The following SLC25A21 variants were observed in gnomAD, a reference collection of about 807,000 sequenced individuals.
SLC25A21 encodes mitochondrial 2-oxodicarboxylate carrier.
In SLC25A21, 47 loss-of-function variants were observed where a neutral mutation model predicts 43.8. The observed-to-expected ratio is 1.07, with a 90% CI of 0.85 to 1.37. The LOEUF is 1.37. SLC25A21 is among the 40% of genes most tolerant of loss of function. SLC25A21 has a pLI of 0.00. For missense variants in SLC25A21, 352 were observed against 350.2 expected (o/e 1.00, Z -0.04); for synonymous variants, 131 against 121.3 (o/e 1.08, Z -0.52).
At chr14:36,869,585 T>C (rs1323875916) in intron 2 of SLC25A21, among the ~76,000 whole-genome samples, 1 of 152,168 alleles carries the variant, frequency 6.6e-6, no homozygotes, top group East Asian at 1.9e-4. Flanking sequence ...AGAGCACTGC[T>C]TGAAAGTCCA....
In SLC25A21 at chr14:36,792,095, C is replaced by G. The variant is rs555127805; in HGVS notation, c.203+21823G>C. Among the ~76,000 whole-genome samples, 82 of 152,172 alleles carry G rather than the reference C, an allele frequency of 5.4e-4. 1 individual carries two copies. In the South Asian group the frequency reaches 0.016, roughly 29 times the overall value. On this transcript the variant is annotated intron_variant, in intron 3 of 9. Transcript: ENST00000331299. ...ATTTTTTAGTGTAACTAGATAAATG[C>G]TCTCTTTTTTATAAATACTCTGAGG...
chr14:36,726,029 G>C (rs565801406), intron 5 of SLC25A21, among the ~76,000 whole-genome samples: 1 of 152,294 alleles, frequency 6.6e-6, no homozygotes, highest in South Asian at 2.1e-4. Flanking sequence ...ATTGTAAAAA[G>C]AGAGCTTCAT....
intron 1 of SLC25A21, among the ~76,000 whole-genome samples, chr14:37,059,216 C>T (rs35500267): frequency 0.071 from 10,834 of 152,234 alleles, 524 homozygotes; most frequent in Non-Finnish European, 0.1. Context: ...ACTGTATACA[C>T]ATCAACTTTT....
At chr14:37,009,050 T>A (rs572717239) in intron 1 of SLC25A21, among the ~76,000 whole-genome samples, 2 of 152,200 alleles carry the variant, frequency 1.3e-5, no homozygotes, top group Admixed American at 1.3e-4. Flanking sequence ...AGAGCAAACA[T>A]AAAGCCCTCT....
intron 1 of SLC25A21, among the ~76,000 whole-genome samples, chr14:37,078,428 CCACCA>C (rs1962324921): frequency 1.3e-5 from 2 of 151,970 alleles, no homozygotes; most frequent in South Asian, 2.1e-4. Context: ...AGGAATAGGT[CCACCA>C]CATGGTGGAC....
chr14:37,103,241 T>C (rs542672256), intron 1 of SLC25A21, among the ~76,000 whole-genome samples: 1 of 152,290 alleles, frequency 6.6e-6, no homozygotes, highest in Non-Finnish European at 1.5e-5. Context: ...TTTGCATATC[T>C]CTTCCTTTAC....
At chr14:36,850,826 G>A (rs1202090033) in intron 2 of SLC25A21, among the ~76,000 whole-genome samples, 1 of 152,094 alleles carries the variant, frequency 6.6e-6, no homozygotes, top group Non-Finnish European at 1.5e-5. Flanking sequence ...TTTTGGTCTT[G>A]ATTATGCTCC....
chr14:36,917,129 T>C (rs149875836), intron 1 of SLC25A21, among the ~76,000 whole-genome samples: 126 of 152,238 alleles, frequency 8.3e-4, no homozygotes, highest in Non-Finnish European at 1.1e-3. Flanking sequence ...CTGCTTCCAG[T>C]TTCTTTTTAT....
chr14:36,764,015 C>G (rs1886263111), intron 3 of SLC25A21, among the ~76,000 whole-genome samples: 2 of 111,940 alleles, frequency 1.8e-5, no homozygotes, highest in South Asian at 6.7e-4. Flanking sequence ...GGTGACAGAG[C>G]AAGACTCTGT....
intron 1 of SLC25A21, among the ~76,000 whole-genome samples, chr14:36,983,625 C>T (rs978151186): frequency 1.3e-5 from 2 of 152,178 alleles, no homozygotes; most frequent in Admixed American, 6.5e-5. Context: ...ATCCAGCAAT[C>T]CCATGACTGG....
rs199586187 is a variant in SLC25A21 at position 36,678,703 on chromosome 14, TTATC to T, written c.*1951_*1954del. 803 of 1,230,786 alleles carry T rather than the reference TTATC, an allele frequency of 6.5e-4. 10 individuals carry two copies. The East Asian group carries it at 0.024, about 36-fold the overall frequency. The allele number at this position is 1,230,786 out of a possible 1,614,324, so 76.2% of individuals were successfully genotyped here. A position where few individuals can be genotyped will look rare whatever the true frequency, so the allele number is the denominator to read the frequency against. On this transcript the variant is annotated 3_prime_UTR_variant, in exon 10 of 10. Coordinates refer to ENST00000331299, the MANE Select transcript of SLC25A21 (RefSeq NM_030631.4). The stretch of plus-strand genomic sequence containing the variant: ...GGAAATGCAAATAATGTTATTTTCT[TTATC>T]TAAATTAAGAAATCTCTTGTTATTG...
At chr14:36,741,318 A>G (rs984238041) in intron 3 of SLC25A21, among the ~76,000 whole-genome samples, 1 of 152,214 alleles carries the variant, frequency 6.6e-6, no homozygotes, top group East Asian at 1.9e-4. Flanking sequence ...AGTGAGAAAG[A>G]AAAACAGTGT....
At chr14:36,961,304 C>T (rs957462387) in intron 1 of SLC25A21, among the ~76,000 whole-genome samples, 6 of 151,868 alleles carry the variant, frequency 4.0e-5, no homozygotes, top group Non-Finnish European at 4.4e-5. Context: ...CTCTGCCTTC[C>T]GGGTTCACGC....
Position 36,906,914 on chromosome 14 carries a change from G to A in SLC25A21, c.71-31910C>T, listed in dbSNP as rs537666183. On this transcript the variant is annotated intron_variant, in intron 1 of 9. Transcript: ENST00000331299. Reference sequence around the variant, plus strand: ...AAAGAAAAGCCATTGCAGTTTGTATGATCTCCAAAGCAACTGGACAGCTCC... The same window carrying A: ...AAAGAAAAGCCATTGCAGTTTGTATAATCTCCAAAGCAACTGGACAGCTCC... Among the ~76,000 whole-genome samples, 28 of 152,234 alleles carry A rather than the reference G, an allele frequency of 1.8e-4. 1 individual carries two copies. The South Asian group carries it at 4.6e-3, about 25-fold the overall frequency.
chr14:37,071,139 C>T (rs772603969), intron 1 of SLC25A21, among the ~76,000 whole-genome samples: 1 of 152,140 alleles, frequency 6.6e-6, no homozygotes, highest in African/African-American at 2.4e-5. Flanking sequence ...TCCAATAGAT[C>T]GTCAAGGGCA....
At chr14:36,932,326 G>A (rs553667654) in intron 1 of SLC25A21, among the ~76,000 whole-genome samples, 5 of 152,188 alleles carry the variant, frequency 3.3e-5, no homozygotes, top group African/African-American at 9.6e-5. Flanking sequence ...TGGAGTCCAC[G>A]TTCTGCTCAG....
At chr14:36,895,833 C>T (rs1182563947) in intron 1 of SLC25A21, among the ~76,000 whole-genome samples, 5 of 152,154 alleles carry the variant, frequency 3.3e-5, no homozygotes, top group Non-Finnish European at 7.3e-5. Flanking sequence ...GTTCAGTTTC[C>T]ATATAGTTGT....
intron 7 of SLC25A21, among the ~76,000 whole-genome samples, chr14:36,701,410 G>T (rs896908725): frequency 6.6e-6 from 1 of 152,132 alleles, no homozygotes; most frequent in Admixed American, 6.6e-5. Flanking sequence ...TCCTTGCAGG[G>T]CTCTGGGCTT....
At chr14:36,735,285 CAT>C (rs1483240659) in intron 3 of SLC25A21, among the ~76,000 whole-genome samples, 1 of 152,166 alleles carries the variant, frequency 6.6e-6, no homozygotes, top group Non-Finnish European at 1.5e-5. Flanking sequence ...GAATGAGTGA[CAT>C]ATGGTTAGAT....
Sources: gnomAD v4.1 joint callset for allele counts (sites outside exome capture counted in the v4.1 genomes callset) on GRCh38, gnomAD v4.1.1 for gene constraint, MANE v1.5 for transcripts, NCBI Gene and HGNC (gene_info 2026-07-23, HGNC 2026-07-21) for gene names.